The following FNBP1 variants were observed in gnomAD, a reference collection of about 807,000 sequenced individuals.
FNBP1 encodes formin binding protein 1.
FNBP1 carries 26 observed loss-of-function variants against 90.6 expected under a neutral mutation model. That is an observed-to-expected ratio of 0.29 (90% confidence interval 0.21 to 0.40). The LOEUF is 0.40. Ranked by LOEUF, FNBP1 falls within the 10% of genes least tolerant of loss-of-function variation. The pLI is 1.00. For missense variants in FNBP1, 635 were observed against 768.0 expected (o/e 0.83, Z 2.05); for synonymous variants, 260 against 265.2 (o/e 0.98, Z 0.19).
intron 16 of FNBP1, among the ~76,000 whole-genome samples, chr9:129,892,203 G>A (rs1411688220): frequency 1.3e-5 from 2 of 152,092 alleles, no homozygotes; most frequent in Non-Finnish European, 2.9e-5. Flanking sequence ...TAGTTTTTAA[G>A]TTGCAGTATA....
At chr9:130,032,475 A>C (rs532582888) in intron 1 of FNBP1, among the ~76,000 whole-genome samples, 44 of 152,320 alleles carry the variant, frequency 2.9e-4, no homozygotes, top group African/African-American at 1.0e-3. Flanking sequence ...CTGGCCAATA[A>C]GTAAAATGTA....
intron 2 of FNBP1, among the ~76,000 whole-genome samples, chr9:129,994,336 C>T (rs1363380919): frequency 1.3e-5 from 2 of 152,128 alleles, no homozygotes; most frequent in Non-Finnish European, 2.9e-5. Flanking sequence ...AATGATTACA[C>T]TCATGTAAAG....
intron 16 of FNBP1, among the ~76,000 whole-genome samples, chr9:129,892,366 G>GACACACACACACACACACAC (rs3138855): frequency 4.6e-4 from 48 of 103,480 alleles, no homozygotes; most frequent in African/African-American, 1.9e-3. Context: ...GCACATCGTA[G>GACACACACACACACACACAC]ACACACACAC....
intron 4 of FNBP1, among the ~76,000 whole-genome samples, chr9:129,964,111 T>G (rs965506426): frequency 6.6e-6 from 1 of 152,242 alleles, no homozygotes; most frequent in Admixed American, 6.5e-5. Flanking sequence ...AAAAGCTATT[T>G]TAACAGTTAC....
chr9:129,892,407 ACACACACAC>A (rs754040961), intron 16 of FNBP1, among the ~76,000 whole-genome samples: 52 of 147,778 alleles, frequency 3.5e-4, no homozygotes, highest in Non-Finnish European at 6.3e-4. Flanking sequence ...ACACACACAC[ACACACACAC>A]AAAAAGGTTG....
At chr9:129,975,908 A>AAAG (rs1441945393) in intron 4 of FNBP1, among the ~76,000 whole-genome samples, 2 of 150,180 alleles carry the variant, frequency 1.3e-5, no homozygotes, top group African/African-American at 4.9e-5. Context: ...ATCTTAAAAA[A>AAAG]AAAAAAAAAA....
intron 1 of FNBP1, among the ~76,000 whole-genome samples, chr9:130,024,034 C>A (rs1923664): frequency 0.083 from 12,558 of 152,110 alleles, 673 homozygotes; most frequent in African/African-American, 0.16. Context: ...TTACATTTGC[C>A]GTCATTTAAC....
chr9:129,923,779 G>A, intron 10 of FNBP1, 65 bp downstream of exon 10: 1 of 1,437,840 alleles, frequency 7.0e-7, no homozygotes, highest in Non-Finnish European at 9.1e-7. Context: ...AACAAAATTA[G>A]TTATGCAGAA....
intron 6 of FNBP1, among the ~76,000 whole-genome samples, chr9:129,932,354 T>G (rs1464076279): frequency 6.6e-6 from 1 of 152,174 alleles, no homozygotes; most frequent in Non-Finnish European, 1.5e-5. Flanking sequence ...CACTTTCTTC[T>G]TGATGGGAAC....
chr9:129,980,246 G>A (rs531988057), intron 2 of FNBP1, among the ~76,000 whole-genome samples: 7 of 151,612 alleles, frequency 4.6e-5, no homozygotes, highest in African/African-American at 1.7e-4. Context: ...TGTAATCCCA[G>A]CTACTCAGGA....
Position 129,900,382 on chromosome 9 carries a change from A to C in FNBP1, c.1550+44T>G. On this transcript the variant is annotated intron_variant, in intron 14 of 16. Coordinates refer to ENST00000446176, the MANE Select transcript of FNBP1 (RefSeq NM_015033.3). This position sits in a 1 kb window ranked among gnomAD's most constrained non-coding sequence, Gnocchi z 4.1. ...AAAATTTAGAAATAAATACAAAGCC[A>C]ACAGGCTCCCTTGCCAGAGGCAGGC... 6.7e-7 allele frequency: 1 copy of C among 1,482,312 alleles called. No homozygotes were observed. Among genetic ancestry groups the C allele is most frequent in the Non-Finnish European group, 9.0e-7 (1 of 1,115,756 alleles). 91.8% of individuals were successfully genotyped at this position (1,482,312 alleles called of 1,614,324 possible).
chr9:129,998,425 A>T (rs2054334339), intron 1 of FNBP1, among the ~76,000 whole-genome samples: 1 of 151,658 alleles, frequency 6.6e-6, no homozygotes, highest in Non-Finnish European at 1.5e-5. Context: ...GAGGCAGGAG[A>T]ATCGCTCAAG....
chr9:129,891,620 G>A (rs528161163), intron 16 of FNBP1, among the ~76,000 whole-genome samples: 2 of 152,218 alleles, frequency 1.3e-5, no homozygotes, highest in Admixed American at 6.5e-5. Flanking sequence ...TATTCATTCC[G>A]CAATAAACCG....
At chr9:130,036,236 G>A (rs1455315911) in intron 1 of FNBP1, among the ~76,000 whole-genome samples, 4 of 152,248 alleles carry the variant, frequency 2.6e-5, no homozygotes, top group Non-Finnish European at 5.9e-5. Context: ...ATTTTTAAAT[G>A]TGGGTGGTGT....
chr9:129,945,376 C>A (rs1387970430), intron 6 of FNBP1, among the ~76,000 whole-genome samples: 1 of 152,092 alleles, frequency 6.6e-6, no homozygotes, highest in Non-Finnish European at 1.5e-5. Context: ...TAACCACTTC[C>A]TTTTTAAAAA....
intron 2 of FNBP1, among the ~76,000 whole-genome samples, chr9:129,985,564 T>C (rs918794931): frequency 6.6e-6 from 1 of 151,862 alleles, no homozygotes; most frequent in African/African-American, 2.4e-5. Flanking sequence ...GCCTGTAATC[T>C]CAGCAGTTTG....
chr9:130,052,713 C>A, the FNBP1 span, among the ~76,000 whole-genome samples: 1 of 151,826 alleles, frequency 6.6e-6, no homozygotes, highest in Non-Finnish European at 1.5e-5. Context: ...GGGATTCAGG[C>A]GCGAATCACC....
intron 7 of FNBP1, among the ~76,000 whole-genome samples, chr9:129,927,749 C>T (rs1289633603): frequency 6.7e-6 from 1 of 149,400 alleles, no homozygotes; most frequent in East Asian, 2.0e-4. Flanking sequence ...GCTGGGATTA[C>T]AGGCCCCACC....
intron 16 of FNBP1, among the ~76,000 whole-genome samples, chr9:129,892,366 G>GAGACACACACAC (rs1245549624): frequency 9.7e-6 from 1 of 103,428 alleles, no homozygotes; most frequent in African/African-American, 4.2e-5. Context: ...GCACATCGTA[G>GAGACACACACAC]ACACACACAC....
Sources: gnomAD v4.1 joint callset for allele counts (sites outside exome capture counted in the v4.1 genomes callset) on GRCh38, gnomAD v4.1.1 for gene constraint, Gnocchi (gnomAD v3.1) non-coding constraint, MANE v1.5 for transcripts, NCBI Gene and HGNC (gene_info 2026-07-23, HGNC 2026-07-21) for gene names.